ATP11A: variants seen among roughly 807,000 people sequenced by gnomAD.
ATP11A encodes the protein phospholipid-transporting ATPase IH.
A neutral mutation model predicts 154.4 loss-of-function variants in ATP11A; 81 were observed. The ratio of observed to expected loss-of-function variants is 0.52; its 90% confidence interval spans 0.44 to 0.63. ATP11A has a LOEUF of 0.63. ATP11A is among the 30% of genes least tolerant of loss of function. The probability of loss-of-function intolerance (pLI) is 0.00; values close to 1 mark genes in which losing one functional copy is unlikely to be tolerated. For synonymous variants in ATP11A, 623 were observed against 585.9 expected, an observed-to-expected ratio of 1.06 and a Z score of -0.91; for missense variants, 1,316 against 1,474.3, an observed-to-expected ratio of 0.89 and a Z score of 1.76.
Position 112,768,528 on chromosome 13 carries a change from A to G in ATP11A, c.40-16607A>G, listed in dbSNP as rs114838134. Among the ~76,000 whole-genome samples the G allele has an allele frequency of 8.7e-3, 1,319 of 152,308 alleles. 26 individuals are homozygous for G. Among genetic ancestry groups the G allele is most frequent in the African/African-American group, 0.029 (1,207 of 41,562 alleles). On this transcript the variant is annotated intron_variant, in intron 1 of 29. Transcript: ENST00000375645. ...GACTCGCAGTCCTGCAGTTGTCTTC[A>G]TTAGATATATATTCAATATTTTGGA...
At chr13:112,771,197 G>T (rs1318911541) in intron 1 of ATP11A, among the ~76,000 whole-genome samples, 1 of 152,214 alleles carries the variant, frequency 6.6e-6, no homozygotes, top group African/African-American at 2.4e-5. Context: ...AGAGTTCATG[G>T]TAAGGATGGT....
intron 29 of ATP11A, chr13:112,881,444 C>G: frequency 9.4e-7 from 1 of 1,063,798 alleles, no homozygotes; most frequent in African/African-American, 1.7e-5. Flanking sequence ...CTCTGGGTAC[C>G]GGTATGGCGT....
rs2079975367 is a variant in ATP11A at position 112,857,849 on chromosome 13, A to G, written c.2450A>G (p.His817Arg). The part of the protein sequence containing the change: ...IVKLIKFSKE[H>R]PITLAIGDGA... ...AAATTAATCAAATTTTCAAAAGAGC[A>G]CCCAATCACGTTAGCAATTGGCGAT... Residue 817 changes from histidine (H) to arginine (R), a missense_variant, in exon 21 of 30, where the codon CAC becomes CGC. By Grantham distance (29) the His-to-Arg change is conservative (BLOSUM62 0). Around this residue, in one of 5 missense-constraint regions of ATP11A, gnomAD observed 876 missense variants for 1,006.8 expected, o/e 0.87. Coordinates refer to ENST00000375645, the MANE Select transcript of ATP11A (RefSeq NM_015205.3). The G allele has an allele frequency of 6.2e-7, 1 of 1,614,200 alleles. No individual in the cohort carries two copies. Among genetic ancestry groups the G allele is most frequent in the Non-Finnish European group, 8.5e-7 (1 of 1,180,020 alleles).
At chr13:112,833,432 C>G (rs2079150729) in intron 14 of ATP11A, among the ~76,000 whole-genome samples, 1 of 152,218 alleles carries the variant, frequency 6.6e-6, no homozygotes, top group Non-Finnish European at 1.5e-5. Flanking sequence ...CCGGACAGAG[C>G]AGAGCTGGTG....
At chr13:112,783,587 C>A (rs769955935) in intron 1 of ATP11A, among the ~76,000 whole-genome samples, 1 of 152,348 alleles carries the variant, frequency 6.6e-6, no homozygotes, top group East Asian at 1.9e-4. Context: ...ACCAGCATTC[C>A]CCTCATGGAG....
chr13:112,704,202 C>A (rs867680855), intron 1 of ATP11A, among the ~76,000 whole-genome samples: 18 of 152,208 alleles, frequency 1.2e-4, no homozygotes, highest in African/African-American at 4.1e-4. Context: ...TGTCGTCCAC[C>A]TTTCTGGGTT....
chr13:112,778,074 T>C (rs36090150), intron 1 of ATP11A, among the ~76,000 whole-genome samples: 10,104 of 152,342 alleles, frequency 0.066, 431 homozygotes, highest in Middle Eastern at 0.11. Context: ...TCTTCTACAG[T>C]CTTCCGTGTG....
intron 1 of ATP11A, among the ~76,000 whole-genome samples, chr13:112,700,527 T>C (rs1171753310): frequency 6.6e-6 from 1 of 152,230 alleles, no homozygotes; most frequent in African/African-American, 2.4e-5. Flanking sequence ...CACTGGGTGC[T>C]GAGGGTGGTG....
intron 1 of ATP11A, among the ~76,000 whole-genome samples, chr13:112,724,113 C>T (rs1432318985): frequency 4.0e-5 from 5 of 123,516 alleles, no homozygotes; most frequent in African/African-American, 1.5e-4. Context: ...TCGCCCCCTT[C>T]GCCCCCTTCT....
At chr13:112,881,761 C>A in intron 29 of ATP11A, 115 bp from the exon 30 acceptor site, 1 of 1,345,104 alleles carries the variant, frequency 7.4e-7, no homozygotes, top group Non-Finnish European at 9.9e-7. Context: ...CAGGTCACCC[C>A]AGGCAGCCCC....
At chr13:112,870,138 C>A (rs2080468154) in intron 25 of ATP11A, among the ~76,000 whole-genome samples, 1 of 152,196 alleles carries the variant, frequency 6.6e-6, no homozygotes, top group Non-Finnish European at 1.5e-5. Flanking sequence ...AGGCCCACTT[C>A]TGATCACAAT....
chr13:112,798,206 A>T (rs966440036), intron 2 of ATP11A, among the ~76,000 whole-genome samples: 1 of 152,272 alleles, frequency 6.6e-6, no homozygotes, highest in Admixed American at 6.5e-5. Flanking sequence ...TAGTTGTCAC[A>T]TTGGCAACAC....
chr13:112,880,560 C>T (rs1454872022), intron 29 of ATP11A: 1 of 1,300,024 alleles, frequency 7.7e-7, no homozygotes, highest in Non-Finnish European at 1.0e-6. Context: ...GTGTGAAGCA[C>T]AAGGCTCCAG....
chr13:112,853,208 C>T (rs1441786765), intron 18 of ATP11A, among the ~76,000 whole-genome samples: 1 of 151,940 alleles, frequency 6.6e-6, no homozygotes, highest in African/African-American at 2.4e-5. Flanking sequence ...CAACATAAGG[C>T]GTTCTCTCGT....
intron 1 of ATP11A, among the ~76,000 whole-genome samples, chr13:112,772,060 A>G (rs2077237719): frequency 6.6e-6 from 1 of 152,090 alleles, no homozygotes. Context: ...ATGAGAACTG[A>G]GTGCTTTTTG....
At chr13:112,714,485 G>A (rs896247080) in intron 1 of ATP11A, among the ~76,000 whole-genome samples, 2 of 152,172 alleles carry the variant, frequency 1.3e-5, no homozygotes, top group Non-Finnish European at 2.9e-5. Flanking sequence ...CTCACTCCCC[G>A]AACCCTGCCC....
At chr13:112,740,148 CTATATATATATA>C (rs59104065) in intron 1 of ATP11A, among the ~76,000 whole-genome samples, 5 of 137,888 alleles carry the variant, frequency 3.6e-5, no homozygotes, top group Admixed American at 3.6e-4. Context: ...CTCTCTCTCT[CTATATATATATA>C]TATATATATA....
In ATP11A at chr13:112,816,178, C is replaced by G. The variant is rs1190850718; in HGVS notation, c.537C>G (p.Thr179=). The G allele has an allele frequency of 1.2e-5, 19 of 1,614,044 alleles. No homozygotes were observed. The highest frequency in any genetic ancestry group is 5.9e-6 in the Non-Finnish European group (7 of 1,180,038). ...SNRGDGTCHV[T]TASLDGESSH... ...GGGGAGATGGGACGTGCCACGTCAC[C>G]ACCGCCAGCTTGGATGGAGAATCCA... Residue 179 remains threonine, a synonymous_variant, in exon 6 of 30, where the codon ACC becomes ACG. Coordinates refer to ENST00000375645, the MANE Select transcript of ATP11A (RefSeq NM_015205.3).
chr13:112,879,388 T>C (rs1417364279), intron 29 of ATP11A, among the ~76,000 whole-genome samples: 2 of 152,242 alleles, frequency 1.3e-5, no homozygotes, highest in African/African-American at 4.8e-5. Flanking sequence ...TTGCAGAATT[T>C]CATCTCACCA....
Sources: allele counts gnomAD v4.1 joint callset (sites outside exome capture counted in the v4.1 genomes callset), GRCh38; gene constraint gnomAD v4.1.1; regional missense constraint gnomAD v4.1.1; transcripts MANE v1.5; gene names NCBI Gene and HGNC (gene_info 2026-07-23, HGNC 2026-07-21).